The following AHI1 variants were observed in gnomAD, a reference collection of about 807,000 sequenced individuals.
The protein encoded by AHI1 is jouberin.
Under a neutral mutation model 149.3 loss-of-function variants are expected in AHI1, and 123 were observed. The ratio of observed to expected loss-of-function variants is 0.82; its 90% CI spans 0.71 to 0.96. The LOEUF (loss-of-function observed/expected upper bound fraction) is 0.96. AHI1 is among the 40% of genes least tolerant of loss of function. The pLI, the probability that AHI1 is intolerant of heterozygous loss-of-function variation, is 0.00. For synonymous variants in AHI1, 475 were observed against 459.8 expected (o/e 1.03, Z -0.42); for missense variants, 1,439 against 1,422.7 (o/e 1.01, Z -0.18).
intron 26 of AHI1, among the ~76,000 whole-genome samples, chr6:135,318,265 C>T (rs977866577): frequency 5.3e-5 from 8 of 152,288 alleles, no homozygotes; most frequent in African/African-American, 1.9e-4. Flanking sequence ...GCCACAAGTT[C>T]TACTTTGGGT....
chr6:135,334,215 C>T lies in AHI1; in HGVS notation c.3166-10891G>A, dbSNP rs376650723. Among the ~76,000 whole-genome samples the T allele has an allele frequency of 3.3e-5, 5 of 152,180 alleles. 1 individual carries two copies. The highest frequency in any genetic ancestry group is 6.5e-5 in the Admixed American group (1 of 15,278). On this transcript the variant is annotated intron_variant, in intron 24 of 28. Transcript: ENST00000265602. ...GTGATATCATCTGAATGTTTGTGCC[C>T]CTCAAATTCATATGTTGAAACTTAA...
intron 27 of AHI1, among the ~76,000 whole-genome samples, chr6:135,291,948 T>C (rs1030187505): frequency 6.6e-6 from 1 of 152,160 alleles, no homozygotes; most frequent in Non-Finnish European, 1.5e-5. Context: ...TGTGGCAAAC[T>C]GGAGAATGGA....
chr6:135,453,454 G>C lies in AHI1; in HGVS notation c.1345-18C>G, dbSNP rs1418817424. 2 of 1,498,456 alleles carry C rather than the reference G, an allele frequency of 1.3e-6. No individual in the cohort carries two copies. The highest frequency in any genetic ancestry group is 1.8e-6 in the Non-Finnish European group (2 of 1,101,038). The allele number at this position is 1,498,456 out of a possible 1,614,324, so 92.8% of individuals were successfully genotyped here. On this transcript the variant is annotated intron_variant, in intron 10 of 28. Transcript: ENST00000265602. ...TCAAGAATCTGCAAATAAATTCACA[G>C]AAGACTAAGCTACCTAAAATTTAAT...
intron 28 of AHI1, among the ~76,000 whole-genome samples, chr6:135,287,813 G>A (rs1173111291): frequency 6.6e-6 from 1 of 150,716 alleles, no homozygotes; most frequent in East Asian, 1.9e-4. Context: ...ATACCGGGCC[G>A]TGGCCGGGCA....
Position 135,466,088 on chromosome 6 carries a change from T to C in AHI1, c.475A>G (p.Thr159Ala). The change falls in exon 7 of 29, where the codon ACA becomes GCA. Residue 159 changes from threonine to alanine, a missense_variant. By Grantham distance (58) the Thr-to-Ala change is moderately conservative. Coordinates refer to ENST00000265602, the MANE Select transcript of AHI1 (RefSeq NM_001134831.2). ...TGATCAACGCCTGGCTGTGGCTTTG[T>C]ATGTGTTTTCTGGTGTGTAGAATCA... is the stretch of plus-strand genomic sequence containing the variant. ...KVDSTHQKTH[T>A]KPQPGVDHQK... is the part of the protein sequence containing the mutation. 6.2e-7 allele frequency: 1 copy of C among 1,613,962 alleles called. No homozygotes were observed. The highest frequency in any genetic ancestry group is 1.7e-4 in the Middle Eastern group (1 of 6,060).
intron 20 of AHI1, among the ~76,000 whole-genome samples, chr6:135,425,740 C>A (rs1451313853): frequency 6.6e-6 from 1 of 151,764 alleles, no homozygotes; most frequent in Non-Finnish European, 1.5e-5. Flanking sequence ...ATGCTTAGCT[C>A]TTTCTCCTAC....
chr6:135,442,126 T>C (rs1162482885), intron 14 of AHI1, among the ~76,000 whole-genome samples: 1 of 152,094 alleles, frequency 6.6e-6, no homozygotes, highest in Non-Finnish European at 1.5e-5. Flanking sequence ...TTGGCCTCTC[T>C]GCTGACTTCT....
chr6:135,386,296 T>C (rs893850151), intron 23 of AHI1, among the ~76,000 whole-genome samples: 5 of 151,550 alleles, frequency 3.3e-5, no homozygotes, highest in East Asian at 1.9e-4. Flanking sequence ...TTATCTACTA[T>C]AGAAAAGTGT....
rs374594010 is a variant in AHI1 at position 135,344,874 on chromosome 6, C to T, written c.3165+13258G>A. Among the ~76,000 whole-genome samples, 12 of 151,442 alleles carry T rather than the reference C, an allele frequency of 7.9e-5. 1 individual carries two copies. The highest frequency in any genetic ancestry group is 1.9e-4 in the East Asian group (1 of 5,150). On this transcript the variant is annotated intron_variant, in intron 24 of 28. Transcript: ENST00000265602. ...CAGGCAGAGCAAGCCTACTTCAACT[C>T]CATTTCTGAAAACCAAAAATTATTT...
chr6:135,332,568 C>A (rs574780373), intron 24 of AHI1, among the ~76,000 whole-genome samples: 1 of 152,198 alleles, frequency 6.6e-6, no homozygotes, highest in Admixed American at 6.5e-5. Flanking sequence ...TGAAGTCACT[C>A]GTGCTGAAGT....
rs1284894062 is a variant in AHI1, at chr6:135,457,507, T to A, written c.1138A>T (p.Lys380Ter). The A allele has an allele frequency of 6.2e-7, 1 of 1,611,212 alleles. No individual in the cohort carries two copies. Among genetic ancestry groups the A allele is most frequent in the Non-Finnish European group, 8.5e-7 (1 of 1,178,042 alleles). Reference sequence around the variant, plus strand: ...AAAAAAAATTACCTATCATCTTTCTTGACATATTGACCAGTATGCTCATCA... The same window carrying A: ...AAAAAAAATTACCTATCATCTTTCTAGACATATTGACCAGTATGCTCATCA... ...VVDEHTGQYV[K>*]KDDSGRPVSS... Residue 380 changes from lysine to a stop codon, truncating the protein, a stop_gained, in exon 9 of 29, where the codon AAG becomes TAG. Coordinates refer to ENST00000265602, the MANE Select transcript of AHI1 (RefSeq NM_001134831.2). LOFTEE classifies it high-confidence loss of function.
rs190631585 is a variant in AHI1 at position 135,368,030 on chromosome 6, T to G, written c.3110-9843A>C. The stretch of plus-strand genomic sequence containing the variant: ...TCAAGGACTATTGTTCAGATTCTTC[T>G]GTCCCACGGGATGCCCCTGATGTGG... On this transcript the variant is annotated intron_variant, in intron 23 of 28. Coordinates refer to ENST00000265602, the MANE Select transcript of AHI1 (RefSeq NM_001134831.2). Among the ~76,000 whole-genome samples the G allele has an allele frequency of 3.1e-3, 466 of 152,320 alleles. 3 individuals carry two copies. The highest frequency in any genetic ancestry group is 0.01 in the African/African-American group (425 of 41,572).
chr6:135,301,468 T>C (rs1477934412), intron 26 of AHI1: 1 of 985,310 alleles, frequency 1.0e-6, no homozygotes, highest in Non-Finnish European at 1.2e-6. Flanking sequence ...TGAAGCTTGT[T>C]TGGCCTTTTT....
At chr6:135,356,323 C>T (rs980828529) in intron 24 of AHI1, among the ~76,000 whole-genome samples, 6 of 152,056 alleles carry the variant, frequency 3.9e-5, no homozygotes, top group African/African-American at 1.5e-4. Flanking sequence ...TTCTCCTAAG[C>T]CCTTTAAAGA....
chr6:135,311,505 A>C (rs1004093763), intron 26 of AHI1, among the ~76,000 whole-genome samples: 2 of 152,132 alleles, frequency 1.3e-5, no homozygotes, highest in African/African-American at 4.8e-5. Context: ...GTTTTATACT[A>C]TTCTTCACTG....
intron 20 of AHI1, among the ~76,000 whole-genome samples, chr6:135,412,201 C>T (rs1781700988): frequency 1.3e-5 from 2 of 152,016 alleles, no homozygotes; most frequent in Admixed American, 6.6e-5. Flanking sequence ...ATAAAAAATA[C>T]AGTATGATAA....
intron 15 of AHI1, among the ~76,000 whole-genome samples, chr6:135,437,130 T>C (rs375372759): frequency 2.3e-4 from 35 of 152,342 alleles, no homozygotes; most frequent in African/African-American, 8.2e-4. Flanking sequence ...ACGAAGATCA[T>C]GTCTGACTAA....
chr6:135,477,874 T>C (rs564302456), intron 5 of AHI1, among the ~76,000 whole-genome samples: 37 of 152,328 alleles, frequency 2.4e-4, no homozygotes, highest in African/African-American at 8.4e-4. Context: ...CCTGGCTCAC[T>C]GCAGCCTCTG....
rs149393922 is a variant in AHI1, at chr6:135,348,912, C to A, written c.3165+9220G>T. Among the ~76,000 whole-genome samples, 280 of 152,240 alleles carry A rather than the reference C, an allele frequency of 1.8e-3. 1 individual carries two copies. Among genetic ancestry groups the A allele is most frequent in the African/African-American group, 6.5e-3 (272 of 41,542 alleles). On this transcript the variant is annotated intron_variant, in intron 24 of 28. Transcript: ENST00000265602. Reference sequence around the variant, plus strand: ...TAGAATAATATTAATAAGGCAGACACTATTATCATCTTCTTTCCAGATATA... The same window carrying A: ...TAGAATAATATTAATAAGGCAGACAATATTATCATCTTCTTTCCAGATATA...
Sources: gnomAD v4.1 joint callset for allele counts (sites outside exome capture counted in the v4.1 genomes callset) on GRCh38, gnomAD v4.1.1 for gene constraint, MANE v1.5 for transcripts, NCBI Gene and HGNC (gene_info 2026-07-23, HGNC 2026-07-21) for gene names.